ATP2C1: variants seen among roughly 807,000 people sequenced by gnomAD.
ATP2C1 encodes the protein ATPase secretory pathway Ca2+ transporting 1.
Under a neutral mutation model 120.5 loss-of-function variants are expected in ATP2C1, and 31 were observed. That is an observed-to-expected ratio of 0.26 (90% CI 0.19 to 0.35). The LOEUF is 0.35. ATP2C1 is among the 10% of genes least tolerant of loss of function. The probability of loss-of-function intolerance (pLI) is 1.00; values close to 1 mark genes in which losing one functional copy is unlikely to be tolerated. For missense variants in ATP2C1, 731 were observed against 1,107.5 expected (o/e 0.66, Z 4.83); for synonymous variants, 351 against 358.7 (o/e 0.98, Z 0.24).
chr3:130,887,952 C>T (rs534642610), intron 1 of ATP2C1, among the ~76,000 whole-genome samples: 19 of 152,336 alleles, frequency 1.2e-4, no homozygotes, highest in African/African-American at 4.3e-4. Flanking sequence ...CACTTGAAGA[C>T]ACGTCTCAGA....
Position 130,894,107 on chromosome 3 carries a change from C to G in ATP2C1, c.-411C>G. ...GCAGACCAGCACGGCCTCGCGGAGC[C>G]GGCCCGGCGGACCGTGACGGGTCCC... On this transcript the variant is annotated 5_prime_UTR_variant, in exon 1 of 28. Coordinates refer to ENST00000510168, the MANE Select transcript of ATP2C1 (RefSeq NM_001378687.1). This position sits in a 1 kb window ranked among gnomAD's most constrained non-coding sequence, Gnocchi z 4.5. 2.1e-6 allele frequency: 2 copies of G among 972,852 alleles called. No homozygotes were observed. Among genetic ancestry groups the G allele is most frequent in the East Asian group, 1.1e-4 (1 of 8,706 alleles). The allele number at this position is 972,852 out of a possible 1,614,324, so 60.3% of individuals were successfully genotyped here. A position where few individuals can be genotyped will look rare whatever the true frequency, so the allele number is the denominator to read the frequency against.
In ATP2C1 at chr3:130,934,713, TA is replaced by T; in HGVS notation, c.324+4del. 1 of 1,592,626 alleles carries T rather than the reference TA, an allele frequency of 6.3e-7. No homozygotes were observed. Among genetic ancestry groups the T allele is most frequent in the Non-Finnish European group, 8.6e-7 (1 of 1,160,744 alleles). ...GATGATGCCGTCAGTATCACTGTGG[TA>T]AGAAAAAAATTACATATTTTTAATC... On this transcript the variant is annotated splice_donor_region_variant and intron_variant, in intron 5 of 27. Coordinates refer to ENST00000510168, the MANE Select transcript of ATP2C1 (RefSeq NM_001378687.1).
intron 3 of ATP2C1, 51 bp downstream of exon 3, chr3:130,930,577 T>A (rs1181573266): frequency 8.8e-7 from 1 of 1,141,572 alleles, no homozygotes; most frequent in Admixed American, 1.7e-5. Flanking sequence ...GTCAGTCACT[T>A]AGACTCTATA....
At chr3:131,014,598 T>C (rs964161809) in intron 26 of ATP2C1, among the ~76,000 whole-genome samples, 4 of 150,980 alleles carry the variant, frequency 2.6e-5, no homozygotes, top group Non-Finnish European at 4.5e-5. Context: ...ACTTAAAAAC[T>C]TTTCATCAAC....
chr3:130,851,442 G>C (rs1229499037), intron 1 of ATP2C1, among the ~76,000 whole-genome samples: 2 of 152,140 alleles, frequency 1.3e-5, no homozygotes, highest in Non-Finnish European at 2.9e-5. Flanking sequence ...GTAAAAGGTA[G>C]GAGGTAGAGC....
chr3:130,855,772 G>A (rs1434123809), intron 1 of ATP2C1: 1 of 152,216 alleles, frequency 6.6e-6, no homozygotes, highest in Non-Finnish European at 1.5e-5. Flanking sequence ...ACGTTTTGAT[G>A]AGAGACTGAG....
At chr3:130,907,335 T>C (rs1216318088) in intron 2 of ATP2C1, among the ~76,000 whole-genome samples, 1 of 152,116 alleles carries the variant, frequency 6.6e-6, no homozygotes, top group Admixed American at 6.6e-5. Context: ...GTTTCTTTTA[T>C]TGTTTGTGCT....
At chr3:130,955,998 G>C in intron 10 of ATP2C1, 106 bp from the exon 11 acceptor site, 1 of 773,086 alleles carries the variant, frequency 1.3e-6, no homozygotes, top group South Asian at 1.4e-5. Flanking sequence ...AGAGTTGTAT[G>C]GTTAACTTAG....
At chr3:130,865,720 A>G (rs1355899750) in intron 1 of ATP2C1, among the ~76,000 whole-genome samples, 2 of 152,150 alleles carry the variant, frequency 1.3e-5, no homozygotes, top group Non-Finnish European at 2.9e-5. Context: ...TGCTGCCACC[A>G]TGTAAGAAGT....
intron 2 of ATP2C1, chr3:130,918,740 C>T (rs2058798890): frequency 2.5e-6 from 1 of 402,460 alleles, no homozygotes; most frequent in African/African-American, 2.1e-5. Flanking sequence ...GCCTGTAATC[C>T]CAGCACTTTG....
At chr3:130,851,115 C>T (rs2067661551) in intron 1 of ATP2C1, among the ~76,000 whole-genome samples, 1 of 152,190 alleles carries the variant, frequency 6.6e-6, no homozygotes, top group Admixed American at 6.5e-5. Flanking sequence ...AAACTTGGAA[C>T]ATTCAGATCC....
At chr3:131,014,955 G>T (rs999737608) in intron 26 of ATP2C1, among the ~76,000 whole-genome samples, 1 of 152,180 alleles carries the variant, frequency 6.6e-6, no homozygotes, top group Non-Finnish European at 1.5e-5. Context: ...GAACAATCCT[G>T]CTGTTTAAAT....
chr3:130,870,281 C>G (rs2068389326), intron 1 of ATP2C1, among the ~76,000 whole-genome samples: 1 of 152,178 alleles, frequency 6.6e-6, no homozygotes, highest in Admixed American at 6.5e-5. Context: ...TGTCTGCTGT[C>G]TGTTCTGCAG....
chr3:130,991,890 G>A (rs1437250196), intron 20 of ATP2C1, among the ~76,000 whole-genome samples: 1 of 152,178 alleles, frequency 6.6e-6, no homozygotes, highest in Non-Finnish European at 1.5e-5. Flanking sequence ...AAGGTGGTCG[G>A]CTGAGAAGGA....
chr3:130,934,601 G>A (rs1235696180), intron 4 of ATP2C1, 21 bp from the exon 5 acceptor site: 1 of 1,511,056 alleles, frequency 6.6e-7, no homozygotes, highest in East Asian at 2.3e-5. Flanking sequence ...GTGTTGAATT[G>A]CTGTTTGTTT....
downstream of ATP2C1, among the ~76,000 whole-genome samples, chr3:131,005,146 C>CA (rs2063058223): frequency 7.8e-6 from 1 of 128,814 alleles, no homozygotes; most frequent in South Asian, 2.6e-4. Flanking sequence ...GGCAGGGTCT[C>CA]ACTCTGTCCC....
intron 9 of ATP2C1, 27 bp downstream of exon 9, chr3:130,954,003 A>G (rs772319162): frequency 1.2e-6 from 2 of 1,612,598 alleles, no homozygotes; most frequent in Admixed American, 1.7e-5. Flanking sequence ...ATTTGAAAAA[A>G]GCAGTTCCTT....
intron 2 of ATP2C1, among the ~76,000 whole-genome samples, chr3:130,902,977 C>T (rs1240913412): frequency 2.0e-5 from 3 of 151,910 alleles, no homozygotes; most frequent in Non-Finnish European, 4.4e-5. Context: ...GTGGCATTCT[C>T]ATTTTTAGGG....
chr3:130,987,503 T>A (rs1328573040), intron 20 of ATP2C1, among the ~76,000 whole-genome samples: 1 of 151,554 alleles, frequency 6.6e-6, no homozygotes, highest in African/African-American at 2.4e-5. Context: ...GGTAATTTTG[T>A]TATTTTTTAT....
Sources: gnomAD v4.1 joint callset for allele counts (sites outside exome capture counted in the v4.1 genomes callset) on GRCh38, gnomAD v4.1.1 for gene constraint, Gnocchi (gnomAD v3.1) non-coding constraint, MANE v1.5 for transcripts, NCBI Gene and HGNC (gene_info 2026-07-23, HGNC 2026-07-21) for gene names.